PRELID2: variants seen among roughly 807,000 people sequenced by gnomAD.
PRELID2 encodes PRELI domain containing 2, also known as PRELI domain-containing protein 2.
A neutral mutation model predicts 28.4 loss-of-function variants in PRELID2; 25 were observed. The ratio of observed to expected loss-of-function variants is 0.88; its 90% CI spans 0.64 to 1.23. The LOEUF (loss-of-function observed/expected upper bound fraction) is 1.23. PRELID2 is among the 50% of genes most tolerant of loss of function. The pLI is 0.00. For synonymous variants in PRELID2, 76 were observed against 71.6 expected, an observed-to-expected ratio of 1.06 and a Z score of -0.31; for missense variants, 201 against 214.4, an observed-to-expected ratio of 0.94 and a Z score of 0.39.
chr5:145,702,153 G>C (rs577157024), intron 1 of PRELID2, among the ~76,000 whole-genome samples: 1 of 152,070 alleles, frequency 6.6e-6, no homozygotes, highest in African/African-American at 2.4e-5. Flanking sequence ...TAATGCTTAA[G>C]TATTTTTAAT....
At chr5:145,550,579 T>C (rs978370379) in intron 1 of PRELID2, among the ~76,000 whole-genome samples, 7 of 152,030 alleles carry the variant, frequency 4.6e-5, no homozygotes, top group Admixed American at 2.0e-4. Flanking sequence ...ATCTCTAATA[T>C]AGTAATAATA....
the PRELID2 span, among the ~76,000 whole-genome samples, chr5:145,332,925 T>A: frequency 6.6e-6 from 1 of 152,214 alleles, no homozygotes; most frequent in Admixed American, 6.5e-5. Context: ...TGGTCTTTGA[T>A]GTCGGTGACC....
intron 5 of PRELID2, among the ~76,000 whole-genome samples, chr5:145,794,752 T>G (rs1275025880): frequency 6.6e-6 from 1 of 152,140 alleles, no homozygotes. Context: ...AAAATTTCAC[T>G]TTATGTGTCT....
At chr5:145,817,787 G>T in intron 4 of PRELID2, 107 bp downstream of exon 4, 1 of 921,120 alleles carries the variant, frequency 1.1e-6, no homozygotes, top group Non-Finnish European at 1.5e-6. Flanking sequence ...GAATTTGTAT[G>T]AGTTATAAAC....
the PRELID2 span, among the ~76,000 whole-genome samples, chr5:145,268,841 T>A: frequency 4.2e-3 from 644 of 152,204 alleles, 2 homozygotes; most frequent in African/African-American, 0.015. Context: ...AAATTGAAGA[T>A]CATAGAATAT....
At chr5:145,682,359 G>A (rs1324710683) in intron 1 of PRELID2, among the ~76,000 whole-genome samples, 1 of 152,100 alleles carries the variant, frequency 6.6e-6, no homozygotes, top group South Asian at 2.1e-4. Flanking sequence ...ATCATAATAC[G>A]ACATTGGCTG....
At chr5:145,262,114 A>G in the PRELID2 span, among the ~76,000 whole-genome samples, 1 of 152,274 alleles carries the variant, frequency 6.6e-6, no homozygotes, top group East Asian at 1.9e-4. Context: ...GCTCAAAGAC[A>G]AGGCTTTGGA....
At chr5:145,697,047 A>ATT (rs1755288573) in intron 1 of PRELID2, among the ~76,000 whole-genome samples, 1 of 109,982 alleles carries the variant, frequency 9.1e-6, no homozygotes, top group African/African-American at 4.6e-5. Flanking sequence ...ATATATATAT[A>ATT]TATATATATA....
At chr5:145,465,667 C>T in the PRELID2 span, among the ~76,000 whole-genome samples, 79 of 152,076 alleles carry the variant, frequency 5.2e-4, 1 homozygote, top group African/African-American at 1.8e-3. Context: ...TGGAAGAACT[C>T]TATGAGTTAA....
intron 4 of PRELID2, among the ~76,000 whole-genome samples, chr5:145,817,524 TTACAA>T (rs1214372022): frequency 5.4e-5 from 8 of 148,506 alleles, no homozygotes; most frequent in Non-Finnish European, 1.0e-4. Context: ...AATTTATAAC[TTACAA>T]TACATGTTTT....
At chr5:145,361,797 T>G in the PRELID2 span, among the ~76,000 whole-genome samples, 1 of 152,148 alleles carries the variant, frequency 6.6e-6, no homozygotes, top group Non-Finnish European at 1.5e-5. Flanking sequence ...CTGGCCTTCT[T>G]TTCATTTCCA....
intron 1 of PRELID2, among the ~76,000 whole-genome samples, chr5:145,827,551 T>C (rs564829577): frequency 6.6e-6 from 1 of 152,256 alleles, no homozygotes; most frequent in South Asian, 2.1e-4. Flanking sequence ...GGAAAAGCTA[T>C]GGTTCCAAAC....
chr5:145,432,238 C>G, the PRELID2 span, among the ~76,000 whole-genome samples: 1 of 151,826 alleles, frequency 6.6e-6, no homozygotes, highest in African/African-American at 2.4e-5. Context: ...AAGAAATAAA[C>G]TTTTATGCAA....
intron 1 of PRELID2, among the ~76,000 whole-genome samples, chr5:145,681,843 G>C (rs1754942092): frequency 6.6e-6 from 1 of 152,188 alleles, no homozygotes; most frequent in Non-Finnish European, 1.5e-5. Context: ...TAAGTACACA[G>C]TAAATATTGC....
the PRELID2 span, among the ~76,000 whole-genome samples, chr5:145,343,896 C>T: frequency 1.3e-5 from 2 of 151,684 alleles, no homozygotes; most frequent in Non-Finnish European, 2.9e-5. Context: ...TATATACCAA[C>T]AGACTGAAAA....
At chr5:145,608,073 A>C (rs73311527) in intron 1 of PRELID2, among the ~76,000 whole-genome samples, 28,509 of 150,060 alleles carry the variant, frequency 0.19, 4,769 homozygotes, top group African/African-American at 0.44. Flanking sequence ...AAAATAGTAA[A>C]CCCTGCTTTG....
intron 1 of PRELID2, among the ~76,000 whole-genome samples, chr5:145,697,354 G>A (rs113139505): frequency 2.2e-4 from 33 of 151,958 alleles, no homozygotes; most frequent in Middle Eastern, 3.4e-3. Context: ...CAAACTCAAC[G>A]AGGCTAAGAA....
chr5:145,451,506 T>A, the PRELID2 span, among the ~76,000 whole-genome samples: 1 of 152,180 alleles, frequency 6.6e-6, no homozygotes, highest in Non-Finnish European at 1.5e-5. Flanking sequence ...CTTTTTAAAC[T>A]AGACAACTTC....
At chr5:145,272,181 G>A in the PRELID2 span, among the ~76,000 whole-genome samples, 10 of 151,984 alleles carry the variant, frequency 6.6e-5, no homozygotes, top group African/African-American at 2.4e-4. Context: ...CTCCACCTCT[G>A]AGCACAGAAA....
Sources: allele counts gnomAD v4.1 joint callset (sites outside exome capture counted in the v4.1 genomes callset), GRCh38; gene constraint gnomAD v4.1.1; transcripts MANE v1.5; gene names NCBI Gene and HGNC (gene_info 2026-07-23, HGNC 2026-07-21).